MYO6: variants seen among roughly 807,000 people sequenced by gnomAD.
MYO6 encodes the protein unconventional myosin-VI.
Under a neutral mutation model 178.7 loss-of-function variants are expected in MYO6, and 74 were observed. The observed-to-expected ratio is 0.41, with a 90% CI of 0.34 to 0.50. MYO6 has a LOEUF of 0.50. Among genes scored for constraint, MYO6 ranks in the 20% least tolerant of loss-of-function variants. The probability of loss-of-function intolerance (pLI) is 0.09; values close to 1 mark genes in which losing one functional copy is unlikely to be tolerated. For synonymous variants in MYO6, 477 were observed against 504.6 expected (o/e 0.95, Z 0.73); for missense variants, 1,330 against 1,547.4 (o/e 0.86, Z 2.36).
intron 1 of MYO6, among the ~76,000 whole-genome samples, chr6:75,816,410 C>T (rs1186019736): frequency 6.6e-6 from 1 of 152,202 alleles, no homozygotes; most frequent in Admixed American, 6.5e-5. Flanking sequence ...GAATGGATTG[C>T]AGTGATACAG....
At chr6:75,809,949 T>C (rs938225043) in intron 1 of MYO6, among the ~76,000 whole-genome samples, 4 of 150,906 alleles carry the variant, frequency 2.7e-5, no homozygotes, top group African/African-American at 9.7e-5. Context: ...CTGGGCGTTG[T>C]GGCAGGTGCC....
chr6:75,899,702 CTT>C lies in MYO6; in HGVS notation c.3176+1305_3176+1306del, dbSNP rs57012582. The stretch of plus-strand genomic sequence containing the variant: ...GAAGGACTAATGGCCACACATTATT[CTT>C]TTTTTTTTTTTTTCTTCTGGAACAT... On this transcript the variant is annotated intron_variant, in intron 30 of 34. Coordinates refer to ENST00000369977, the MANE Select transcript of MYO6 (RefSeq NM_004999.4). Among the ~76,000 whole-genome samples the C allele has an allele frequency of 9.2e-3, 1,300 of 141,312 alleles. 16 individuals carry two copies. Among genetic ancestry groups the C allele is most frequent in the African/African-American group, 0.031 (1,211 of 38,972 alleles). 92.7% of individuals were successfully genotyped at this position (141,312 alleles called of 152,430 possible). A position where few individuals can be genotyped will look rare whatever the true frequency, so the allele number is the denominator to read the frequency against.
At chr6:75,771,269 T>C (rs1013774577) in intron 1 of MYO6, among the ~76,000 whole-genome samples, 3 of 152,218 alleles carry the variant, frequency 2.0e-5, no homozygotes, top group Admixed American at 6.5e-5. Context: ...CCCAAAGTGC[T>C]GGAACTACAG....
rs1337864025 is a variant in MYO6, at chr6:75,908,497, T to C, written c.3282T>C (p.Asp1094=). ...ELRDTINTSC[D]IELLAACREE... ...TTTTTTGCTCAATGTAATCAATAGA[T>C]ATTGAGCTCCTGGCAGCTTGCAGAG... Residue 1094 remains aspartate, a splice_region_variant and synonymous_variant, in exon 32 of 35, where the codon GAT becomes GAC. Transcript: ENST00000369977. 1 of 1,613,082 alleles carries C rather than the reference T, an allele frequency of 6.2e-7. No individual in the cohort carries two copies. The highest frequency in any genetic ancestry group is 8.5e-7 in the Non-Finnish European group (1 of 1,179,418).
chr6:75,869,432 G>T (rs1353102721), intron 18 of MYO6, among the ~76,000 whole-genome samples: 1 of 152,036 alleles, frequency 6.6e-6, no homozygotes, highest in Non-Finnish European at 1.5e-5. Context: ...TATTTCCTTG[G>T]ATTGTCATGT....
At chr6:75,838,453 G>A (rs1037569752) in intron 7 of MYO6, among the ~76,000 whole-genome samples, 1 of 152,252 alleles carries the variant, frequency 6.6e-6, no homozygotes, top group East Asian at 1.9e-4. Context: ...GTTTTGGAAT[G>A]AGTATATTAT....
At chr6:75,907,578 AC>A in intron 30 of MYO6, 26 bp from the exon 31 acceptor site, 1 of 1,561,710 alleles carries the variant, frequency 6.4e-7, no homozygotes, top group Non-Finnish European at 8.8e-7. Context: ...TCTGGTTTAA[AC>A]ATGCAAAAAT....
At chr6:75,809,785 C>T (rs80324722) in intron 1 of MYO6, among the ~76,000 whole-genome samples, 6 of 151,216 alleles carry the variant, frequency 4.0e-5, no homozygotes, top group Admixed American at 1.3e-4. Context: ...GATGTCAGCC[C>T]GGCGTGCTGG....
chr6:75,802,019 GAAT>G (rs1216236731), intron 1 of MYO6, among the ~76,000 whole-genome samples: 2 of 151,906 alleles, frequency 1.3e-5, no homozygotes, highest in African/African-American at 4.8e-5. Context: ...AATTAAGAAA[GAAT>G]AATATATTTT....
intron 10 of MYO6, among the ~76,000 whole-genome samples, chr6:75,845,354 G>A (rs545611501): frequency 1.8e-4 from 28 of 152,240 alleles, no homozygotes; most frequent in South Asian, 1.0e-3. Flanking sequence ...CAAGGCTGAC[G>A]TGAGGTTTGA....
intron 1 of MYO6, among the ~76,000 whole-genome samples, chr6:75,812,807 C>T (rs1183790834): frequency 6.6e-6 from 1 of 152,112 alleles, no homozygotes; most frequent in Non-Finnish European, 1.5e-5. Context: ...GAATAATACT[C>T]CACTGTATAT....
Position 75,837,482 on chromosome 6 carries a change from C to T in MYO6, c.553+1526C>T, listed in dbSNP as rs554500585. Among the ~76,000 whole-genome samples, 35 of 152,316 alleles carry T rather than the reference C, an allele frequency of 2.3e-4. No individual in the cohort carries two copies. In the East Asian group the frequency reaches 6.6e-3, roughly 29 times the overall value. Reference sequence around the variant, plus strand: ...CTGGGCTCAAGCAATCCTCCTGCCTCAGCCTTGTAAGTAGCTGGGACTCTA... The same window carrying T: ...CTGGGCTCAAGCAATCCTCCTGCCTTAGCCTTGTAAGTAGCTGGGACTCTA... On this transcript the variant is annotated intron_variant, in intron 7 of 34. Transcript: ENST00000369977.
In MYO6 at chr6:75,890,010, A is replaced by G. The variant is rs113353486; in HGVS notation, c.2659-47A>G. 1,068 of 1,336,920 alleles carry G rather than the reference A, an allele frequency of 8.0e-4. 8 individuals are homozygous for G. The African/African-American group carries it at 0.014, about 17-fold the overall frequency. The allele number at this position is 1,336,920 out of a possible 1,614,324, so 82.8% of individuals were successfully genotyped here. ...TTAAGTATATTCACATTGTTGTGCAACAGAAGAAATAAGCTTTTACGTACC... is the reference window on the plus strand; with the variant it reads ...TTAAGTATATTCACATTGTTGTGCAGCAGAAGAAATAAGCTTTTACGTACC... On this transcript the variant is annotated intron_variant, in intron 25 of 34. Transcript: ENST00000369977.
chr6:75,768,258 G>T (rs1220343683), intron 1 of MYO6: 1 of 152,030 alleles, frequency 6.6e-6, no homozygotes, highest in East Asian at 1.9e-4. Context: ...GATCTATTTT[G>T]CACCTGAATT....
intron 1 of MYO6, among the ~76,000 whole-genome samples, chr6:75,803,352 T>C (rs1244063088): frequency 2.0e-5 from 3 of 152,212 alleles, no homozygotes; most frequent in African/African-American, 7.2e-5. Context: ...TTCACTGTTT[T>C]AAGAATCAAG....
chr6:75,910,750 CAGG>C (rs1780698304), intron 32 of MYO6, among the ~76,000 whole-genome samples: 1 of 152,012 alleles, frequency 6.6e-6, no homozygotes, highest in Admixed American at 6.6e-5. Context: ...CATCTTGACA[CAGG>C]AGCATAGCTA....
chr6:75,815,445 G>A (rs1359944666), intron 1 of MYO6, among the ~76,000 whole-genome samples: 8 of 152,106 alleles, frequency 5.3e-5, no homozygotes, highest in African/African-American at 1.4e-4. Flanking sequence ...TGGAGGTTTC[G>A]GCTAGAGCAA....
intron 15 of MYO6, 123 bp from the exon 16 acceptor site, chr6:75,862,473 T>TATAG (rs1776285425): frequency 5.7e-6 from 5 of 882,974 alleles, no homozygotes; most frequent in Non-Finnish European, 7.3e-6. Flanking sequence ...AGAGAACACA[T>TATAG]ATAGAATCAC....
chr6:75,868,332 A>G (rs1042268284), intron 18 of MYO6, among the ~76,000 whole-genome samples: 2 of 151,750 alleles, frequency 1.3e-5, no homozygotes, highest in African/African-American at 2.4e-5. Flanking sequence ...GTATTCTTCT[A>G]TTTCTGAATC....
Sources: allele counts gnomAD v4.1 joint callset (sites outside exome capture counted in the v4.1 genomes callset), GRCh38; gene constraint gnomAD v4.1.1; transcripts MANE v1.5; gene names NCBI Gene and HGNC (gene_info 2026-07-23, HGNC 2026-07-21).